Variants in PRKG1 observed in about 807,000 individuals in gnomAD.
The protein encoded by PRKG1 is cGMP-dependent protein kinase 1.
In PRKG1, 35 loss-of-function variants were observed where a neutral mutation model predicts 88.1. The ratio of observed to expected loss-of-function variants is 0.40; its 90% CI spans 0.30 to 0.53. The LOEUF (loss-of-function observed/expected upper bound fraction) is 0.53, where lower values mean the gene tolerates loss of function less well. Ranked by LOEUF, PRKG1 falls within the 20% of genes least tolerant of loss-of-function variation. PRKG1 has a pLI of 0.59. For missense variants in PRKG1, 540 were observed against 839.8 expected (o/e 0.64, Z 4.41); for synonymous variants, 303 against 292.5 (o/e 1.04, Z -0.37).
rs567628580 is a variant in PRKG1, at chr10:51,296,255, T to A, written c.478+142925T>A. On this transcript the variant is annotated intron_variant, in intron 2 of 17. Transcript: ENST00000373980. ...AGAGTTAAAGAAGGATTGTTATCAG[T>A]TCTTCTTTGATTGTCTATTAGAATT... is the stretch of plus-strand genomic sequence containing the variant. Among the ~76,000 whole-genome samples the A allele has an allele frequency of 1.6e-4, 25 of 152,230 alleles. No individual in the cohort carries two copies. In the South Asian group the frequency reaches 4.8e-3, roughly 29 times the overall value.
At chr10:51,405,293 T>C (rs914800938) in intron 2 of PRKG1, among the ~76,000 whole-genome samples, 3 of 152,206 alleles carry the variant, frequency 2.0e-5, no homozygotes, top group Non-Finnish European at 2.9e-5. Context: ...CTGGCTGTAC[T>C]TTAGATCCTA....
chr10:51,714,891 C>T (rs997499785), intron 3 of PRKG1, among the ~76,000 whole-genome samples: 6 of 152,278 alleles, frequency 3.9e-5, no homozygotes, highest in Admixed American at 2.0e-4. Flanking sequence ...TTACATGCAA[C>T]TATTTTAAAA....
intron 2 of PRKG1, among the ~76,000 whole-genome samples, chr10:51,369,474 A>G (rs1842656921): frequency 6.6e-6 from 1 of 152,022 alleles, no homozygotes; most frequent in Non-Finnish European, 1.5e-5. Context: ...CACTCAGCCT[A>G]TAGTAGGGAG....
chr10:52,220,536 T>C (rs1840217988), intron 9 of PRKG1, among the ~76,000 whole-genome samples: 1 of 152,042 alleles, frequency 6.6e-6, no homozygotes, highest in African/African-American at 2.4e-5. Context: ...TAATACCCCA[T>C]TAGTTCTTTT....
intron 2 of PRKG1, among the ~76,000 whole-genome samples, chr10:51,393,751 A>C (rs1241337044): frequency 6.6e-6 from 1 of 152,194 alleles, no homozygotes; most frequent in African/African-American, 2.4e-5. Flanking sequence ...TAGCAGCAGA[A>C]CTAAAGGAAG....
intron 1 of PRKG1, among the ~76,000 whole-genome samples, chr10:51,014,937 T>A (rs1445525361): frequency 2.6e-5 from 4 of 152,294 alleles, no homozygotes; most frequent in Non-Finnish European, 4.4e-5. Flanking sequence ...CTTCCTGTTT[T>A]TCAAGCAATA....
chr10:51,948,174 C>T (rs1009763474), intron 5 of PRKG1, among the ~76,000 whole-genome samples: 1 of 151,832 alleles, frequency 6.6e-6, no homozygotes, highest in Non-Finnish European at 1.5e-5. Context: ...GCTAGTTCAC[C>T]ATGATTCAAA....
chr10:52,085,811 C>T (rs1299220556), intron 7 of PRKG1, among the ~76,000 whole-genome samples: 1 of 152,028 alleles, frequency 6.6e-6, no homozygotes, highest in Admixed American at 6.6e-5. Flanking sequence ...TTTATATTTG[C>T]ATTCCCCCTT....
intron 3 of PRKG1, among the ~76,000 whole-genome samples, chr10:51,469,818 G>A (rs907865351): frequency 6.6e-6 from 1 of 151,864 alleles, no homozygotes; most frequent in African/African-American, 2.4e-5. Context: ...TAAAAGTTGT[G>A]TTGACAAAAG....
intron 2 of PRKG1, among the ~76,000 whole-genome samples, chr10:51,153,968 T>A (rs1325702248): frequency 1.3e-5 from 2 of 152,034 alleles, no homozygotes; most frequent in Admixed American, 6.6e-5. Flanking sequence ...CTGAAATCTA[T>A]ACTGACATGC....
chr10:51,971,416 C>T (rs1485375400), intron 5 of PRKG1, among the ~76,000 whole-genome samples: 2 of 151,888 alleles, frequency 1.3e-5, no homozygotes, highest in East Asian at 3.9e-4. Flanking sequence ...TATTCAAAAT[C>T]ATTAAAAAAC....
chr10:51,194,552 T>A (rs776164362), intron 2 of PRKG1, among the ~76,000 whole-genome samples: 2 of 152,150 alleles, frequency 1.3e-5, no homozygotes, highest in Non-Finnish European at 2.9e-5. Context: ...GCTTTTTAGG[T>A]AGAAATGAGT....
At chr10:51,801,185 T>C (rs1839164595) in intron 3 of PRKG1, among the ~76,000 whole-genome samples, 1 of 152,124 alleles carries the variant, frequency 6.6e-6, no homozygotes. Context: ...GGAAATATTT[T>C]AGGCTTTGCA....
intron 3 of PRKG1, among the ~76,000 whole-genome samples, chr10:51,685,592 T>C (rs936441685): frequency 2.0e-5 from 3 of 152,212 alleles, no homozygotes; most frequent in Non-Finnish European, 4.4e-5. Context: ...TAAATTAAAA[T>C]GCCTATTGGA....
chr10:52,192,154 A>G (rs1012112716), intron 9 of PRKG1, among the ~76,000 whole-genome samples: 12 of 151,952 alleles, frequency 7.9e-5, no homozygotes, highest in African/African-American at 2.4e-4. Context: ...TGTTGAGTCA[A>G]TTTCTTTCTG....
chr10:51,226,743 A>G (rs564296578), intron 2 of PRKG1, among the ~76,000 whole-genome samples: 2 of 152,340 alleles, frequency 1.3e-5, no homozygotes, highest in Non-Finnish European at 2.9e-5. Context: ...TAATTTTTTC[A>G]AATTATGGAT....
At chr10:52,159,715 C>G (rs1379680644) in intron 8 of PRKG1, among the ~76,000 whole-genome samples, 9 of 151,698 alleles carry the variant, frequency 5.9e-5, no homozygotes, top group Non-Finnish European at 1.3e-4. Context: ...TGGTAATACG[C>G]TATCCTGTTT....
intron 3 of PRKG1, among the ~76,000 whole-genome samples, chr10:51,497,818 T>C (rs1351337466): frequency 6.6e-6 from 1 of 152,176 alleles, no homozygotes; most frequent in East Asian, 1.9e-4. Context: ...AATTTGGTTA[T>C]CCATGGCTTT....
intron 4 of PRKG1, among the ~76,000 whole-genome samples, chr10:51,867,298 T>A (rs1183771788): frequency 6.6e-6 from 1 of 152,166 alleles, no homozygotes. Flanking sequence ...TTATGTTCCA[T>A]GCTAAATAAT....
Sources: gnomAD v4.1 joint callset for allele counts (sites outside exome capture counted in the v4.1 genomes callset) on GRCh38, gnomAD v4.1.1 for gene constraint, MANE v1.5 for transcripts, NCBI Gene and HGNC (gene_info 2026-07-23, HGNC 2026-07-21) for gene names.